The following EYS variants were observed in gnomAD, a reference collection of about 807,000 sequenced individuals.
EYS encodes the protein protein eyes shut homolog.
In EYS, 250 loss-of-function variants were observed where a neutral mutation model predicts 282.1. That is an observed-to-expected ratio of 0.89 (90% CI 0.80 to 0.98). EYS has a LOEUF of 0.98. Among genes scored for constraint, EYS ranks in the 50% least tolerant of loss-of-function variants. EYS has a pLI of 0.00. For synonymous variants in EYS, 1,355 were observed against 1,282.9 expected, an observed-to-expected ratio of 1.06 and a Z score of -1.20; for missense variants, 4,016 against 3,709.0, an observed-to-expected ratio of 1.08 and a Z score of -2.15.
At position 65,274,473 on chromosome 6, in the gene EYS, G is replaced by T. The variant is rs554013618; in HGVS notation, c.2023+21390C>A. ...CTTGAGCAAATTAGCACATCTCCTT[G>T]TCCCTAGTATACAGCTATTGATCTA... is the stretch of plus-strand genomic sequence containing the variant. On this transcript the variant is annotated intron_variant, in intron 12 of 42. Transcript: ENST00000503581. 7.2e-5 allele frequency among the ~76,000 whole-genome samples: 11 copies of T among 152,216 alleles called. No homozygotes were observed. The East Asian group carries it at 9.7e-4, about 13-fold the overall frequency.
intron 30 of EYS, among the ~76,000 whole-genome samples, chr6:64,231,455 T>C (rs1766423571): frequency 2.0e-5 from 3 of 152,156 alleles, no homozygotes; most frequent in Non-Finnish European, 4.4e-5. Flanking sequence ...TACTTTATCA[T>C]GATTCCTAAT....
At chr6:65,523,935 G>A (rs1449907343) in intron 2 of EYS, among the ~76,000 whole-genome samples, 2 of 152,134 alleles carry the variant, frequency 1.3e-5, no homozygotes, top group South Asian at 2.1e-4. Context: ...GAAATGGCAC[G>A]ATCCCAGCTC....
At chr6:65,285,330 C>T (rs1342025579) in intron 12 of EYS, among the ~76,000 whole-genome samples, 1 of 151,836 alleles carries the variant, frequency 6.6e-6, no homozygotes, top group Admixed American at 6.6e-5. Flanking sequence ...ATCAACTTTT[C>T]ATTTATGAGA....
chr6:65,490,303 AATTC>A (rs1411408677), intron 5 of EYS: 1 of 231,342 alleles, frequency 4.3e-6, no homozygotes, highest in Admixed American at 5.2e-5. Flanking sequence ...AACAATTTCA[AATTC>A]ATTGGTCATA....
intron 8 of EYS, among the ~76,000 whole-genome samples, chr6:65,355,270 C>T (rs1327030846): frequency 6.6e-6 from 1 of 152,098 alleles, no homozygotes; most frequent in Non-Finnish European, 1.5e-5. Context: ...GTGCACACTG[C>T]TTCAGTGACT....
At chr6:64,044,938 T>C (rs536027570) in intron 33 of EYS, among the ~76,000 whole-genome samples, 2 of 152,348 alleles carry the variant, frequency 1.3e-5, no homozygotes, top group East Asian at 3.9e-4. Flanking sequence ...AATTTAGACC[T>C]AATTCCCTTG....
chr6:64,105,078 G>C (rs1453342439), intron 31 of EYS, among the ~76,000 whole-genome samples: 2 of 151,854 alleles, frequency 1.3e-5, no homozygotes, highest in African/African-American at 2.4e-5. Flanking sequence ...GAGAGCAGAA[G>C]AGGATGAAGA....
At chr6:63,799,107 G>T (rs1435885650) in intron 37 of EYS, among the ~76,000 whole-genome samples, 2 of 148,864 alleles carry the variant, frequency 1.3e-5, no homozygotes, top group Non-Finnish European at 3.0e-5. Flanking sequence ...TCCGCCTCCC[G>T]GGTTCAAGTG....
intron 2 of EYS, among the ~76,000 whole-genome samples, chr6:65,506,714 C>T (rs1470381262): frequency 6.6e-6 from 1 of 151,370 alleles, no homozygotes; most frequent in African/African-American, 2.4e-5. Context: ...TCAAATGATT[C>T]TCTTACCTCA....
chr6:65,224,982 T>C (rs1015262160), intron 12 of EYS, among the ~76,000 whole-genome samples: 1 of 152,048 alleles, frequency 6.6e-6, no homozygotes, highest in Non-Finnish European at 1.5e-5. Context: ...TCTATGAACA[T>C]TTAAAGAAAG....
chr6:65,187,811 T>C (rs1465189464), intron 12 of EYS, among the ~76,000 whole-genome samples: 1 of 151,748 alleles, frequency 6.6e-6, no homozygotes, highest in East Asian at 1.9e-4. Flanking sequence ...TGAAAACTTA[T>C]TGGAATTGGT....
intron 24 of EYS, among the ~76,000 whole-genome samples, chr6:64,596,323 C>CA (rs1766587132): frequency 6.6e-6 from 1 of 152,130 alleles, no homozygotes; most frequent in Non-Finnish European, 1.5e-5. Flanking sequence ...AAATCTCTAT[C>CA]AAAAGACCAA....
chr6:63,728,579 A>T (rs1246167897), intron 41 of EYS, among the ~76,000 whole-genome samples: 1 of 152,202 alleles, frequency 6.6e-6, no homozygotes, highest in Non-Finnish European at 1.5e-5. Flanking sequence ...TTGACACATC[A>T]TTATCACATA....
intron 5 of EYS, among the ~76,000 whole-genome samples, chr6:65,419,021 C>T (rs1767352324): frequency 6.6e-6 from 1 of 151,844 alleles, no homozygotes; most frequent in South Asian, 2.1e-4. Context: ...CCCCTAATAC[C>T]ATGCAGATTT....
intron 12 of EYS, among the ~76,000 whole-genome samples, chr6:65,126,949 T>G (rs1239234298): frequency 6.6e-6 from 1 of 152,130 alleles, no homozygotes; most frequent in Non-Finnish European, 1.5e-5. Flanking sequence ...GGTAAGAGTG[T>G]GAATTGTGAT....
chr6:65,276,044 A>G (rs1412648364), intron 12 of EYS, among the ~76,000 whole-genome samples: 1 of 152,298 alleles, frequency 6.6e-6, no homozygotes. Flanking sequence ...AAATGAAGTG[A>G]TGCATTGGGC....
chr6:65,497,540 A>G (rs1766297529), intron 2 of EYS, among the ~76,000 whole-genome samples: 1 of 152,014 alleles, frequency 6.6e-6, no homozygotes, highest in Non-Finnish European at 1.5e-5. Context: ...AGGAATTACA[A>G]TTAAAGATAA....
chr6:64,184,455 A>G (rs1764875944), intron 31 of EYS, among the ~76,000 whole-genome samples: 3 of 152,114 alleles, frequency 2.0e-5, no homozygotes, highest in African/African-American at 7.2e-5. Flanking sequence ...TTAAATACCC[A>G]CTTCACTTCT....
intron 28 of EYS, among the ~76,000 whole-genome samples, chr6:64,394,069 T>G (rs1356652347): frequency 6.6e-6 from 1 of 152,006 alleles, no homozygotes; most frequent in African/African-American, 2.4e-5. Context: ...GAATCAAACT[T>G]ACAAGGGATG....
Sources: allele counts gnomAD v4.1 joint callset (sites outside exome capture counted in the v4.1 genomes callset), GRCh38; gene constraint gnomAD v4.1.1; transcripts MANE v1.5; gene names NCBI Gene and HGNC (gene_info 2026-07-23, HGNC 2026-07-21).